The following STRBP variants were observed in gnomAD, a reference collection of about 807,000 sequenced individuals.
STRBP encodes spermatid perinuclear RNA-binding protein.
STRBP carries 13 observed loss-of-function variants against 80.1 expected under a neutral mutation model. The observed-to-expected ratio is 0.16, with a 90% CI of 0.11 to 0.26. The LOEUF is 0.26. Among genes scored for constraint, STRBP ranks in the 10% least tolerant of loss-of-function variants. The pLI, the probability that STRBP is intolerant of heterozygous loss-of-function variation, is 1.00. For synonymous variants in STRBP, 284 were observed against 291.2 expected, an observed-to-expected ratio of 0.98 and a Z score of 0.25; for missense variants, 485 against 815.2, an observed-to-expected ratio of 0.59 and a Z score of 4.93.
At chr9:123,214,213 G>C (rs1237270767) in intron 2 of STRBP, among the ~76,000 whole-genome samples, 1 of 149,482 alleles carries the variant, frequency 6.7e-6, no homozygotes, top group African/African-American at 2.5e-5. Flanking sequence ...CCCCAAAAAG[G>C]AATGAATGAC....
chr9:123,115,404 G>A lies in STRBP; in HGVS notation c.*84+525C>T, dbSNP rs772898347. On this transcript the variant is annotated intron_variant and NMD_transcript_variant, in intron 3 of 3. Coordinates refer to the STRBP transcript ENST00000471564. This position sits in a 1 kb window ranked among gnomAD's most constrained non-coding sequence, Gnocchi z 5.0. ...GGGCTGGCAAGGAGGATCCCTAGCA[G>A]GGAGGGGGAGACCCACTGAAGCCTT... The A allele has an allele frequency of 2.1e-6, 1 of 470,980 alleles. No homozygotes were observed. The highest frequency in any genetic ancestry group is 1.5e-5 in the South Asian group (1 of 64,562). The allele number at this position is 470,980 out of a possible 1,614,324, so 29.2% of individuals were successfully genotyped here.
chr9:123,223,471 T>C (rs1049218509), intron 2 of STRBP, among the ~76,000 whole-genome samples: 2 of 152,166 alleles, frequency 1.3e-5, no homozygotes, highest in East Asian at 3.8e-4. Flanking sequence ...TAGAATGATA[T>C]GAAAACTTTT....
chr9:123,253,950 T>A (rs2040968673), intron 1 of STRBP, among the ~76,000 whole-genome samples: 1 of 152,204 alleles, frequency 6.6e-6, no homozygotes, highest in African/African-American at 2.4e-5. Flanking sequence ...GTTTTGGAAC[T>A]ACATAAAGTG....
chr9:123,240,612 C>T (rs1022944327), intron 1 of STRBP, among the ~76,000 whole-genome samples: 2 of 152,290 alleles, frequency 1.3e-5, no homozygotes, highest in Admixed American at 1.3e-4. Context: ...CTTTCTATAA[C>T]TTTAGTCGCA....
rs1227471112 is a variant in STRBP, at chr9:123,121,728, T to C, written c.*3869A>G. Reference sequence around the variant, plus strand: ...TCATTTCTCGGAGAAGTTTTTCTCCTTGAGAAATTGGCACTTTGATCCTCA... The same window carrying C: ...TCATTTCTCGGAGAAGTTTTTCTCCCTGAGAAATTGGCACTTTGATCCTCA... On this transcript the variant is annotated 3_prime_UTR_variant, in exon 19 of 19. Coordinates refer to ENST00000348403, the MANE Select transcript of STRBP (RefSeq NM_018387.5). The C allele has an allele frequency of 6.6e-6, 1 of 152,148 alleles. No homozygotes were observed. 9.4% of individuals were successfully genotyped at this position (152,148 alleles called of 1,614,324 possible). A position where few individuals can be genotyped will look rare whatever the true frequency, so the allele number is the denominator to read the frequency against.
chr9:123,159,176 C>T lies in STRBP; in HGVS notation c.755G>A (p.Gly252Asp). The T allele has an allele frequency of 1.9e-6, 3 of 1,613,372 alleles. No individual in the cohort carries two copies. Among genetic ancestry groups the T allele is most frequent in the Non-Finnish European group, 2.5e-6 (3 of 1,179,444 alleles). Residue 252 changes from glycine to aspartate, a missense_variant, in exon 9 of 19, where the codon GGT becomes GAT. Coordinates refer to ENST00000348403, the MANE Select transcript of STRBP (RefSeq NM_018387.5). ...AGCGCCCAAAGGTCTATTACAAGTA[C>T]CTATAGACTTTTCACATATAAGTTC... ...PLELICEKSI[G>D]TCNRPLGAGE...
At chr9:123,146,222 C>T (rs959657517) in intron 13 of STRBP, among the ~76,000 whole-genome samples, 1 of 151,880 alleles carries the variant, frequency 6.6e-6, no homozygotes, top group Non-Finnish European at 1.5e-5. Context: ...GATCCCATTA[C>T]TTGGAAATTT....
chr9:123,198,099 A>G (rs1438458086), intron 2 of STRBP, among the ~76,000 whole-genome samples: 2 of 151,760 alleles, frequency 1.3e-5, no homozygotes, highest in African/African-American at 4.8e-5. Flanking sequence ...CCATTTATAT[A>G]TTTTCTTTTC....
intron 2 of STRBP, among the ~76,000 whole-genome samples, chr9:123,187,956 A>G (rs1443736690): frequency 5.0e-5 from 4 of 80,200 alleles, no homozygotes; most frequent in African/African-American, 4.0e-4. Context: ...TCACCATTAC[A>G]GTATCATACA....
At position 123,160,897 on chromosome 9, in the gene STRBP, A is replaced by G. The variant is rs549807914; in HGVS notation, c.627+80T>C. ...GCACCCCTCATTTTATGTAGTACAC[A>G]GAAACCAATTAAGTGGCAGGTGTTC... On this transcript the variant is annotated intron_variant, in intron 7 of 18. Transcript: ENST00000348403. 3.3e-6 allele frequency: 4 copies of G among 1,205,554 alleles called. No individual in the cohort carries two copies. In the Admixed American group the frequency reaches 1.1e-4, roughly 34 times the overall value. The allele number at this position is 1,205,554 out of a possible 1,614,324, so 74.7% of individuals were successfully genotyped here.
intron 2 of STRBP, among the ~76,000 whole-genome samples, chr9:123,225,058 TGAAA>T (rs1284036980): frequency 6.6e-6 from 1 of 152,106 alleles, no homozygotes; most frequent in Non-Finnish European, 1.5e-5. Flanking sequence ...AAAGAAATGC[TGAAA>T]GAAAGAAACC....
At chr9:123,218,615 C>T (rs902089410) in intron 2 of STRBP, among the ~76,000 whole-genome samples, 32 of 151,168 alleles carry the variant, frequency 2.1e-4, no homozygotes, top group South Asian at 2.1e-4. Flanking sequence ...ATGATCCACC[C>T]GCCTCGGCCT....
At chr9:123,220,736 A>G (rs2132554139) in intron 2 of STRBP, among the ~76,000 whole-genome samples, 1 of 152,342 alleles carries the variant, frequency 6.6e-6, no homozygotes, top group South Asian at 2.1e-4. Context: ...TAACCTCCAA[A>G]TAACTGAGGA....
At chr9:123,198,931 GTTTCA>G (rs1381535817) in intron 2 of STRBP, among the ~76,000 whole-genome samples, 3 of 152,120 alleles carry the variant, frequency 2.0e-5, no homozygotes, top group Non-Finnish European at 4.4e-5. Flanking sequence ...TCTCTATTCT[GTTTCA>G]TTTGTCTATG....
At chr9:123,164,247 A>G (rs1305949053) in intron 6 of STRBP, among the ~76,000 whole-genome samples, 3 of 152,112 alleles carry the variant, frequency 2.0e-5, no homozygotes, top group African/African-American at 7.2e-5. Flanking sequence ...GGGTTTCACC[A>G]TGTTGGCCAG....
In STRBP at chr9:123,115,503, C is replaced by A. The variant is rs1413956235; in HGVS notation, c.*84+426G>T. On this transcript the variant is annotated intron_variant and NMD_transcript_variant, in intron 3 of 3. Coordinates refer to the STRBP transcript ENST00000471564. This position sits in a 1 kb window ranked among gnomAD's most constrained non-coding sequence, Gnocchi z 5.0. ...TCTTTCTTCCCCTCCCTGTACTCTC[C>A]ATCTGGGTCAATGATTTCACCTTCT... The A allele has an allele frequency of 2.6e-6, 1 of 390,660 alleles. No homozygotes were observed. The allele number at this position is 390,660 out of a possible 1,614,324, so 24.2% of individuals were successfully genotyped here.
intron 2 of STRBP, among the ~76,000 whole-genome samples, chr9:123,214,746 A>AC (rs1213957436): frequency 6.6e-6 from 1 of 152,166 alleles, no homozygotes; most frequent in African/African-American, 2.4e-5. Context: ...AACTGTACCT[A>AC]CCTATACTAT....
At position 123,124,042 on chromosome 9, in the gene STRBP, C is replaced by T; in HGVS notation, c.*1555G>A. On this transcript the variant is annotated 3_prime_UTR_variant, in exon 19 of 19. Transcript: ENST00000348403. ...CAAAAGACCAAGGAGAAGAAACAAA[C>T]TAATCATTGTGTAATATATATCTGA... 1.0e-6 allele frequency: 1 copy of T among 985,398 alleles called. No individual in the cohort carries two copies. Among genetic ancestry groups the T allele is most frequent in the Non-Finnish European group, 1.2e-6 (1 of 829,924 alleles). The allele number at this position is 985,398 out of a possible 1,614,324, so 61.0% of individuals were successfully genotyped here. A position where few individuals can be genotyped will look rare whatever the true frequency, so the allele number is the denominator to read the frequency against.
At chr9:123,132,488 T>A (rs544158525) in intron 17 of STRBP, among the ~76,000 whole-genome samples, 1 of 152,258 alleles carries the variant, frequency 6.6e-6, no homozygotes, top group South Asian at 2.1e-4. Context: ...TTAAGTAACC[T>A]CTTAGCAGTT....
Sources: gnomAD v4.1 joint callset for allele counts (sites outside exome capture counted in the v4.1 genomes callset) on GRCh38, gnomAD v4.1.1 for gene constraint, Gnocchi (gnomAD v3.1) non-coding constraint, MANE v1.5 for transcripts, NCBI Gene and HGNC (gene_info 2026-07-23, HGNC 2026-07-21) for gene names.